PCDHA1: variants seen among roughly 807,000 people sequenced by gnomAD.
PCDHA1 encodes protocadherin alpha 1, also known as protocadherin alpha-1.
A neutral mutation model predicts 61.3 loss-of-function variants in PCDHA1; 42 were observed. The ratio of observed to expected loss-of-function variants is 0.69; its 90% CI spans 0.54 to 0.89. The LOEUF is 0.89. Ranked by LOEUF, PCDHA1 falls within the 40% of genes least tolerant of loss-of-function variation. The pLI is 0.00. For missense variants in PCDHA1, 1,256 were observed against 1,235.3 expected, an observed-to-expected ratio of 1.02 and a Z score of -0.25; for synonymous variants, 610 against 553.8, an observed-to-expected ratio of 1.10 and a Z score of -1.43.
rs780758944 is a variant in PCDHA1 at position 140,904,284 on chromosome 5, T to G, written c.2395-74665T>G. Among the ~76,000 whole-genome samples the G allele has an allele frequency of 1.3e-3, 196 of 152,216 alleles. 3 individuals carry two copies. The highest frequency in any genetic ancestry group is 1.2e-3 in the Non-Finnish European group (83 of 68,010). ...CACTTATGAATGAGAACATGTGGTG[T>G]TTGGTTTTCCATTCCTGAGTTTCTT... On this transcript the variant is annotated intron_variant, in intron 1 of 3. Transcript: ENST00000504120.
At position 140,884,483 on chromosome 5, in the gene PCDHA1, C is replaced by G. The variant is rs376374275; in HGVS notation, c.2395-94466C>G. The G allele has an allele frequency of 3.7e-6, 6 of 1,613,980 alleles. 1 individual carries two copies. In the South Asian group the frequency reaches 5.5e-5, roughly 15 times the overall value. On this transcript the variant is annotated intron_variant, in intron 1 of 3. Coordinates refer to ENST00000504120, the MANE Select transcript of PCDHA1 (RefSeq NM_018900.4). The stretch of plus-strand genomic sequence containing the variant: ...CGCGTGCGCGCCGGGCAAGCCCACT[C>G]TAGTGTGCTCCAGCGCGGCAGGGAG...
chr5:140,876,623 A>G (rs2056465121), intron 1 of PCDHA1: 1 of 1,614,086 alleles, frequency 6.2e-7, no homozygotes, highest in East Asian at 2.2e-5. Context: ...GCCAATGGAC[A>G]GGTCATCTGC....
chr5:140,970,427 GGTGTTA>G (rs1442614278), intron 1 of PCDHA1, among the ~76,000 whole-genome samples: 6 of 152,192 alleles, frequency 3.9e-5, no homozygotes, highest in Admixed American at 3.3e-4. Context: ...TGTAGAGGCA[GGTGTTA>G]GTATATGCAC....
chr5:140,851,545 G>A, intron 1 of PCDHA1: 1 of 908,276 alleles, frequency 1.1e-6, no homozygotes, highest in East Asian at 1.2e-4. Context: ...GATAATTCAA[G>A]AAATGTTGAC....
At chr5:140,800,956 G>A in intron 1 of PCDHA1, 1 of 1,151,492 alleles carries the variant, frequency 8.7e-7, no homozygotes. Context: ...CGACATACAA[G>A]GAAAAGAAGA....
intron 1 of PCDHA1, chr5:140,867,194 C>T (rs185502341): frequency 1.6e-3 from 248 of 152,260 alleles, no homozygotes; most frequent in African/African-American, 5.7e-3. Context: ...CAAGACTCCA[C>T]ATTCCATGTA....
At chr5:140,812,159 G>GTTGTTGTTGTTGTTT (rs1248531146) in intron 1 of PCDHA1, 2 of 151,474 alleles carry the variant, frequency 1.3e-5, no homozygotes, top group Non-Finnish European at 2.9e-5. Flanking sequence ...TGTTGTTGTT[G>GTTGTTGTTGTTGTTT]TTGTTAGGAG....
At chr5:140,916,072 AC>A (rs1445012621) in intron 1 of PCDHA1, among the ~76,000 whole-genome samples, 4 of 152,054 alleles carry the variant, frequency 2.6e-5, no homozygotes, top group Non-Finnish European at 5.9e-5. Flanking sequence ...TGTGGCCAGT[AC>A]TACCACTGGT....
At chr5:140,871,123 G>A (rs782312325) in intron 1 of PCDHA1, 51 of 1,613,216 alleles carry the variant, frequency 3.2e-5, no homozygotes, top group African/African-American at 1.3e-5. Context: ...GAGCGGACAG[G>A]CGCCAAAGGC....
intron 1 of PCDHA1, chr5:140,856,749 C>A (rs146132566): frequency 1.3e-6 from 2 of 1,595,860 alleles, no homozygotes; most frequent in East Asian, 2.2e-5. Context: ...GTGTTAGATG[C>A]CAATGATAAC....
chr5:140,947,038 A>G (rs2094072618), intron 1 of PCDHA1, among the ~76,000 whole-genome samples: 1 of 151,776 alleles, frequency 6.6e-6, no homozygotes, highest in Admixed American at 6.6e-5. Context: ...TATACTAATT[A>G]CCCTGATTTG....
At chr5:140,870,465 C>A in intron 1 of PCDHA1, 1 of 1,614,208 alleles carries the variant, frequency 6.2e-7, no homozygotes, top group Non-Finnish European at 8.5e-7. Flanking sequence ...CGCCTGCGTT[C>A]GCACAGCCCG....
In PCDHA1 at chr5:140,788,538, A is replaced by T; in HGVS notation, c.2248A>T (p.Asn750Tyr). The T allele has an allele frequency of 6.2e-7, 1 of 1,614,062 alleles. No individual in the cohort carries two copies. Among genetic ancestry groups the T allele is most frequent in the South Asian group, 1.1e-5 (1 of 91,066 alleles). Residue 750 changes from asparagine (N) to tyrosine (Y), a missense_variant, in exon 1 of 4, where the codon AAC becomes TAC. By Grantham distance (143) the Asn-to-Tyr change is moderately radical (BLOSUM62 -2). Coordinates refer to ENST00000504120, the MANE Select transcript of PCDHA1 (RefSeq NM_018900.4). ...VCSSALGSWS[N>Y]SQQRRQRVCS... ...CTCCAGCGCGTTGGGGAGCTGGTCG[A>T]ACTCACAGCAGAGGCGGCAGAGGGT...
intron 1 of PCDHA1, chr5:140,969,008 G>A (rs782541476): frequency 6.2e-7 from 1 of 1,614,194 alleles, no homozygotes; most frequent in Non-Finnish European, 8.5e-7. Context: ...CTTCTGTGGA[G>A]TAAGGGAAAG....
At chr5:140,821,429 A>G (rs1562259189) in intron 1 of PCDHA1, 1 of 191,712 alleles carries the variant, frequency 5.2e-6, no homozygotes, top group African/African-American at 2.4e-5. Context: ...ATATATTTTG[A>G]CTAGAGATAA....
At chr5:140,968,442 T>C in intron 1 of PCDHA1, 1 of 1,614,068 alleles carries the variant, frequency 6.2e-7, no homozygotes, top group Non-Finnish European at 8.5e-7. Flanking sequence ...AGCCCACCAC[T>C]GAGCAGCACT....
At chr5:140,933,265 A>G (rs2088994304) in intron 1 of PCDHA1, among the ~76,000 whole-genome samples, 1 of 152,000 alleles carries the variant, frequency 6.6e-6, no homozygotes, top group East Asian at 1.9e-4. Context: ...AGGTTATTAT[A>G]TATTCATTTG....
At chr5:140,986,862 G>A (rs1441287999) in intron 3 of PCDHA1, among the ~76,000 whole-genome samples, 2 of 152,068 alleles carry the variant, frequency 1.3e-5, no homozygotes, top group East Asian at 1.9e-4. Flanking sequence ...AACAATACCC[G>A]GAAACTTGTT....
chr5:140,850,258 G>A, intron 1 of PCDHA1: 1 of 1,594,156 alleles, frequency 6.3e-7, no homozygotes, highest in South Asian at 1.1e-5. Flanking sequence ...GTGGGCGCCG[G>A]CGTAGTGGTG....
Sources: gnomAD v4.1 joint callset for allele counts (sites outside exome capture counted in the v4.1 genomes callset) on GRCh38, gnomAD v4.1.1 for gene constraint, MANE v1.5 for transcripts, NCBI Gene and HGNC (gene_info 2026-07-23, HGNC 2026-07-21) for gene names.